Variants in SOX6 observed in about 807,000 individuals in gnomAD.
The protein encoded by SOX6 is SRY-box transcription factor 6, also known as transcription factor SOX-6.
Under a neutral mutation model 97.8 loss-of-function variants are expected in SOX6, and 11 were observed. The ratio of observed to expected loss-of-function variants is 0.11; its 90% CI spans 0.07 to 0.19. SOX6 has a LOEUF of 0.19. SOX6 is among the 10% of genes least tolerant of loss of function. SOX6 has a pLI of 1.00. For missense variants in SOX6, 810 were observed against 1,039.5 expected, an observed-to-expected ratio of 0.78 and a Z score of 3.04; for synonymous variants, 360 against 371.4, an observed-to-expected ratio of 0.97 and a Z score of 0.35.
intron 3 of SOX6, among the ~76,000 whole-genome samples, chr11:16,238,827 G>A (rs930279339): frequency 6.6e-6 from 1 of 152,060 alleles, no homozygotes; most frequent in Admixed American, 6.6e-5. Context: ...AAATATTTTA[G>A]TGAGGAGAAC....
intron 9 of SOX6, among the ~76,000 whole-genome samples, chr11:16,093,174 GGGTTTAATA>G (rs1263616395): frequency 6.6e-6 from 1 of 151,904 alleles, no homozygotes; most frequent in East Asian, 1.9e-4. Flanking sequence ...ATTGTTCCCA[GGGTTTAATA>G]AATTATCAAA....
chr11:16,733,963 C>T (rs1590068985), intron 2 of SOX6, among the ~76,000 whole-genome samples: 1 of 150,784 alleles, frequency 6.6e-6, no homozygotes, highest in Non-Finnish European at 1.5e-5. Context: ...GAAGGCAGAG[C>T]CTGCAGTGAC....
chr11:16,691,412 A>T (rs1237248082), intron 3 of SOX6, among the ~76,000 whole-genome samples: 2 of 152,244 alleles, frequency 1.3e-5, no homozygotes, highest in Non-Finnish European at 2.9e-5. Context: ...AAATCAAAGC[A>T]TCAAAGAGAA....
chr11:16,116,510 GATA>G (rs1849351251), intron 6 of SOX6, among the ~76,000 whole-genome samples: 1 of 152,138 alleles, frequency 6.6e-6, no homozygotes, highest in Non-Finnish European at 1.5e-5. Flanking sequence ...GATTATTGGT[GATA>G]ATAATATAAT....
chr11:16,493,767 G>A (rs1405839501), intron 4 of SOX6, among the ~76,000 whole-genome samples: 1 of 152,144 alleles, frequency 6.6e-6, no homozygotes, highest in African/African-American at 2.4e-5. Flanking sequence ...TCACCTGTAT[G>A]GTCCAGAGTA....
chr11:16,662,713 A>T, intron 3 of SOX6, among the ~76,000 whole-genome samples: 1 of 152,168 alleles, frequency 6.6e-6, no homozygotes. Context: ...TTTTCTTTTC[A>T]GACAGGGTCT....
intron 10 of SOX6, among the ~76,000 whole-genome samples, chr11:16,053,969 C>T (rs1248648656): frequency 6.6e-6 from 1 of 151,810 alleles, no homozygotes; most frequent in African/African-American, 2.4e-5. Flanking sequence ...CCCATATATA[C>T]AATAAAAAAT....
At chr11:16,406,711 A>C (rs937861296) in intron 1 of SOX6, among the ~76,000 whole-genome samples, 2 of 152,104 alleles carry the variant, frequency 1.3e-5, no homozygotes, top group South Asian at 2.1e-4. Context: ...TTTATGGCAA[A>C]GGTCATAAAT....
intron 1 of SOX6, among the ~76,000 whole-genome samples, chr11:16,384,748 C>T (rs989464697): frequency 6.6e-6 from 1 of 151,976 alleles, no homozygotes; most frequent in African/African-American, 2.4e-5. Context: ...ACCATGTAAT[C>T]ACTGACATTG....
intron 1 of SOX6, among the ~76,000 whole-genome samples, chr11:16,466,133 A>T (rs1036591832): frequency 6.6e-6 from 1 of 152,238 alleles, no homozygotes; most frequent in African/African-American, 2.4e-5. Flanking sequence ...TACCTCCAGC[A>T]ATAAATATGT....
chr11:16,598,514 A>G (rs1377639919), intron 4 of SOX6, among the ~76,000 whole-genome samples: 2 of 151,998 alleles, frequency 1.3e-5, no homozygotes, highest in Non-Finnish European at 2.9e-5. Flanking sequence ...AAATCCTTTA[A>G]AAGTAAAGAC....
rs1232587634 is a variant in SOX6, at chr11:15,969,147, A to T, written c.*3662T>A. 7.0e-6 allele frequency: 1 copy of T among 143,682 alleles called. No individual in the cohort carries two copies. The highest frequency in any genetic ancestry group is 2.6e-5 in the African/African-American group (1 of 38,114). 8.9% of individuals were successfully genotyped at this position (143,682 alleles called of 1,614,324 possible). ...ATTCTAAGTGACAAGGAGAACCCTG[A>T]CCCTGTAAGTTCTTTAACAAAATGG... On this transcript the variant is annotated 3_prime_UTR_variant, in exon 16 of 16. Coordinates refer to ENST00000683767, the MANE Select transcript of SOX6 (RefSeq NM_001367873.1).
At chr11:16,460,446 G>C (rs750669798) in intron 1 of SOX6, among the ~76,000 whole-genome samples, 15 of 152,058 alleles carry the variant, frequency 9.9e-5, no homozygotes, top group Non-Finnish European at 8.8e-5. Flanking sequence ...ACGAATGAAT[G>C]TTAGTGTTAG....
At chr11:16,441,737 C>T (rs1479576689) in intron 1 of SOX6, among the ~76,000 whole-genome samples, 1 of 152,072 alleles carries the variant, frequency 6.6e-6, no homozygotes, top group Non-Finnish European at 1.5e-5. Context: ...CATTAACAAA[C>T]TTACATAACT....
intron 2 of SOX6, among the ~76,000 whole-genome samples, chr11:16,319,461 C>A (rs547906205): frequency 6.6e-6 from 1 of 151,456 alleles, no homozygotes; most frequent in African/African-American, 2.4e-5. Flanking sequence ...TGTGCTGCAC[C>A]CATTAACTCG....
At chr11:16,254,832 G>A (rs1239621604) in intron 3 of SOX6, among the ~76,000 whole-genome samples, 1 of 151,876 alleles carries the variant, frequency 6.6e-6, no homozygotes, top group African/African-American at 2.4e-5. Context: ...AACAGAGATT[G>A]TCAGAGTGGG....
intron 4 of SOX6, among the ~76,000 whole-genome samples, chr11:16,598,638 AG>A (rs1450733120): frequency 6.7e-6 from 1 of 149,158 alleles, no homozygotes; most frequent in Non-Finnish European, 1.5e-5. Flanking sequence ...CCTGGGAATG[AG>A]TATGCTCTTT....
At chr11:16,391,730 C>A (rs1858189699) in intron 1 of SOX6, among the ~76,000 whole-genome samples, 1 of 152,016 alleles carries the variant, frequency 6.6e-6, no homozygotes, top group South Asian at 2.1e-4. Flanking sequence ...TTTCCTTATT[C>A]TTTCAATCCT....
chr11:16,149,167 AT>A (rs779170182), intron 6 of SOX6, among the ~76,000 whole-genome samples: 3 of 152,134 alleles, frequency 2.0e-5, no homozygotes, highest in Non-Finnish European at 2.9e-5. Context: ...GCCCAAACAC[AT>A]TTTTTAATAT....
Sources: allele counts gnomAD v4.1 joint callset (sites outside exome capture counted in the v4.1 genomes callset), GRCh38; gene constraint gnomAD v4.1.1; transcripts MANE v1.5; gene names NCBI Gene and HGNC (gene_info 2026-07-23, HGNC 2026-07-21).